SLIT1: variants seen among roughly 807,000 people sequenced by gnomAD.
SLIT1 encodes the protein slit guidance ligand 1, also known as slit homolog 1 protein.
In SLIT1, 66 loss-of-function variants were observed where a neutral mutation model predicts 186.1. That is an observed-to-expected ratio of 0.35 (90% CI 0.29 to 0.44). The LOEUF (loss-of-function observed/expected upper bound fraction) is 0.44. Among genes scored for constraint, SLIT1 ranks in the 20% least tolerant of loss-of-function variants. The pLI, the probability that SLIT1 is intolerant of heterozygous loss-of-function variation, is 1.00. For synonymous variants in SLIT1, 761 were observed against 833.8 expected (o/e 0.91, Z 1.50); for missense variants, 1,638 against 2,037.4 (o/e 0.80, Z 3.77).
At position 97,064,343 on chromosome 10, in the gene SLIT1, C is replaced by T. The variant is rs145909739; in HGVS notation, c.558-104G>A. 3.8e-4 allele frequency: 343 copies of T among 900,018 alleles called. No individual in the cohort carries two copies. The African/African-American group carries it at 4.9e-3, about 13-fold the overall frequency. The allele number at this position is 900,018 out of a possible 1,614,324, so 55.8% of individuals were successfully genotyped here. A position where few individuals can be genotyped will look rare whatever the true frequency, so the allele number is the denominator to read the frequency against. On this transcript the variant is annotated intron_variant, in intron 6 of 36. Transcript: ENST00000266058. ...AGGGAGGCTCTCGACCTTAAAGTGA[C>T]CAGCACGGGGCTGGACATGGAGGAG...
chr10:97,104,650 C>G (rs574031876), intron 4 of SLIT1, among the ~76,000 whole-genome samples: 81 of 152,186 alleles, frequency 5.3e-4, no homozygotes, highest in African/African-American at 1.8e-3. Context: ...CTCCAGCCCC[C>G]ACCCCACCAC....
At chr10:97,176,218 G>GA (rs761053725) in intron 1 of SLIT1, among the ~76,000 whole-genome samples, 1 of 152,152 alleles carries the variant, frequency 6.6e-6, no homozygotes. Context: ...AAGCAGAGGT[G>GA]AGTAATACCT....
chr10:97,061,585 A>G (rs1848894409), intron 8 of SLIT1, among the ~76,000 whole-genome samples: 1 of 152,216 alleles, frequency 6.6e-6, no homozygotes. Context: ...TGCTTAATAT[A>G]CAATCTTTGA....
chr10:97,114,736 A>G (rs1211717331), intron 4 of SLIT1, among the ~76,000 whole-genome samples: 1 of 152,198 alleles, frequency 6.6e-6, no homozygotes, highest in African/African-American at 2.4e-5. Flanking sequence ...AGCTCAAGGA[A>G]GAGTCCTAAG....
intron 4 of SLIT1, among the ~76,000 whole-genome samples, chr10:97,070,486 C>T (rs956899846): frequency 2.0e-5 from 3 of 152,174 alleles, no homozygotes. Context: ...CTGCAAGACA[C>T]ATTGCTATGG....
chr10:97,002,959 C>T lies in SLIT1; in HGVS notation c.3899G>A (p.Arg1300His), dbSNP rs1276643878. 1.1e-5 allele frequency: 18 copies of T among 1,613,920 alleles called. No homozygotes were observed. Among genetic ancestry groups the T allele is most frequent in the South Asian group, 5.5e-5 (5 of 91,078 alleles). Residue 1300 changes from arginine (R) to histidine (H), a missense_variant, in exon 35 of 37, where the codon CGC becomes CAC. Arg to His is a conservative substitution (Grantham distance 29). Coordinates refer to ENST00000266058, the MANE Select transcript of SLIT1 (RefSeq NM_003061.3). ...MPVDVNSAAFRLWQILNGTGF... is the reference protein window; with the variant it reads ...MPVDVNSAAFHLWQILNGTGF... ...GGTGCCGTTGAGGATCTGCCACAGG[C>T]GGAAGGCAGCTGAGTTGACATCCAC... is the stretch of plus-strand genomic sequence containing the variant.
At chr10:97,145,125 ATT>A (rs1044660167) in intron 4 of SLIT1, among the ~76,000 whole-genome samples, 2 of 151,994 alleles carry the variant, frequency 1.3e-5, no homozygotes, top group Non-Finnish European at 2.9e-5. Context: ...GATGTACAGT[ATT>A]ATTGTTATTA....
chr10:97,034,436 C>G, intron 23 of SLIT1, 35 bp downstream of exon 23: 1 of 1,562,012 alleles, frequency 6.4e-7, no homozygotes, highest in Non-Finnish European at 8.8e-7. Flanking sequence ...AGCCATGGCC[C>G]CGGGGCCCCC....
intron 3 of SLIT1, among the ~76,000 whole-genome samples, chr10:97,160,211 A>G (rs947251753): frequency 4.5e-4 from 69 of 152,360 alleles, no homozygotes; most frequent in African/African-American, 1.5e-3. Context: ...TCTGGAGTTT[A>G]TAACTGCTCA....
intron 4 of SLIT1, among the ~76,000 whole-genome samples, chr10:97,150,976 C>A (rs1338147153): frequency 1.3e-5 from 2 of 151,708 alleles, no homozygotes; most frequent in African/African-American, 4.8e-5. Context: ...ACCTAGGTAA[C>A]CCCCCACCAG....
chr10:97,060,163 G>A lies in SLIT1; in HGVS notation c.942-5C>T, dbSNP rs1251116761. Reference sequence around the variant, plus strand: ...ATGCCGTTCAGCTCCAGGCGTCTGCGGGGAGAAAAGAGAGGGGAAGCCCAA... The same window carrying A: ...ATGCCGTTCAGCTCCAGGCGTCTGCAGGGAGAAAAGAGAGGGGAAGCCCAA... On this transcript the variant is annotated splice_polypyrimidine_tract_variant and splice_region_variant and intron_variant, in intron 9 of 36. Transcript: ENST00000266058. 1.1e-5 allele frequency: 18 copies of A among 1,613,370 alleles called. No homozygotes were observed. The highest frequency in any genetic ancestry group is 3.3e-5 in the South Asian group (3 of 91,070).
rs767716179 is a variant in SLIT1 at position 97,049,057 on chromosome 10, G to A, written c.1363C>T (p.Arg455Cys). 1.9e-5 allele frequency: 30 copies of A among 1,613,510 alleles called. No homozygotes were observed. The highest frequency in any genetic ancestry group is 1.6e-4 in the Middle Eastern group (1 of 6,084). Residue 455 changes from arginine to cysteine, a missense_variant, in exon 14 of 37, where the codon CGC (arginine) becomes TGC (cysteine). Transcript: ENST00000266058. ...CNLKWLADFL[R>C]TNPIETSGAR... ...CCACTCGTCTCGATGGGATTGGTGC[G>A]CAGGAAGTCTGCCAGCCACTTGAGG...
At chr10:97,027,721 T>G (rs1848558125) in intron 25 of SLIT1, among the ~76,000 whole-genome samples, 1 of 152,270 alleles carries the variant, frequency 6.6e-6, no homozygotes, top group South Asian at 2.1e-4. Context: ...CATTTGTTTT[T>G]GCAGCTTTGG....
In SLIT1 at chr10:97,185,631, C is replaced by A. The variant is rs1259812575; in HGVS notation, c.44G>T (p.Arg15Leu). Residue 15 changes from arginine to leucine, a missense_variant, in exon 1 of 37, where the codon CGG (arginine) becomes CTG (leucine). By Grantham distance (102) the Arg-to-Leu change is moderately radical. This residue lies in a region of SLIT1 where 1,245 missense variants were observed against 1,535.3 expected (regional missense o/e 0.81). Coordinates refer to ENST00000266058, the MANE Select transcript of SLIT1 (RefSeq NM_003061.3). ...PGWGSSAGPVRPELWLLLWAA... is the reference protein window; with the variant it reads ...PGWGSSAGPVLPELWLLLWAA... Reference sequence around the variant, plus strand: ...CCACAGCAGCAGCCAGAGCTCCGGCCGGACCGGCCCCGCCGAGGACCCCCA... The same window carrying A: ...CCACAGCAGCAGCCAGAGCTCCGGCAGGACCGGCCCCGCCGAGGACCCCCA... 6.5e-7 allele frequency: 1 copy of A among 1,543,410 alleles called. No individual in the cohort carries two copies.
At chr10:97,122,484 G>A (rs573278277) in intron 4 of SLIT1, among the ~76,000 whole-genome samples, 5 of 152,168 alleles carry the variant, frequency 3.3e-5, no homozygotes, top group Non-Finnish European at 7.4e-5. Context: ...AGGTGAGGAG[G>A]GAAGCCTTGC....
chr10:97,137,365 C>A (rs1403067406), intron 4 of SLIT1, among the ~76,000 whole-genome samples: 1 of 152,132 alleles, frequency 6.6e-6, no homozygotes, highest in Non-Finnish European at 1.5e-5. Context: ...AAAATATCTA[C>A]AAATAATCAG....
At chr10:97,135,345 G>C (rs930015950) in intron 4 of SLIT1, among the ~76,000 whole-genome samples, 1 of 152,168 alleles carries the variant, frequency 6.6e-6, no homozygotes, top group African/African-American at 2.4e-5. Flanking sequence ...CATCAGCGTC[G>C]CACTGAAAGA....
chr10:97,110,998 T>C (rs1324158274), intron 4 of SLIT1, among the ~76,000 whole-genome samples: 1 of 152,170 alleles, frequency 6.6e-6, no homozygotes, highest in African/African-American at 2.4e-5. Flanking sequence ...TGAGACCAGC[T>C]GGCCAACATG....
chr10:97,087,787 G>A (rs548521553), intron 4 of SLIT1, among the ~76,000 whole-genome samples: 5 of 152,106 alleles, frequency 3.3e-5, no homozygotes, highest in Admixed American at 2.6e-4. Context: ...AGAGCTGGGC[G>A]CTGGGGGGAT....
Sources: allele counts gnomAD v4.1 joint callset (sites outside exome capture counted in the v4.1 genomes callset), GRCh38; gene constraint gnomAD v4.1.1; regional missense constraint gnomAD v4.1.1; transcripts MANE v1.5; gene names NCBI Gene and HGNC (gene_info 2026-07-23, HGNC 2026-07-21).